RABGAP1L: variants seen among roughly 807,000 people sequenced by gnomAD.
RABGAP1L encodes the protein RAB GTPase activating protein 1 like, also known as rab GTPase-activating protein 1-like.
In RABGAP1L, 63 loss-of-function variants were observed where a neutral mutation model predicts 137.7. That is an observed-to-expected ratio of 0.46 (90% confidence interval 0.37 to 0.56). The LOEUF is 0.56. Ranked by LOEUF, RABGAP1L falls within the 20% of genes least tolerant of loss-of-function variation. The probability of loss-of-function intolerance (pLI) is 0.00; values close to 1 mark genes in which losing one functional copy is unlikely to be tolerated. For missense variants in RABGAP1L, 1,095 were observed against 1,244.0 expected (o/e 0.88, Z 1.80); for synonymous variants, 431 against 433.7 (o/e 0.99, Z 0.08).
intron 17 of RABGAP1L, among the ~76,000 whole-genome samples, chr1:174,708,585 C>T (rs1463227381): frequency 6.6e-6 from 1 of 152,166 alleles, no homozygotes; most frequent in African/African-American, 2.4e-5. Flanking sequence ...GTAAAGTACT[C>T]TGCCATGAGG....
rs1399655601 is a variant in RABGAP1L, at chr1:174,381,170, C to T, written c.1559+10098C>T. ...TCTGAGAGATAGTTTGTTATAATTT[C>T]TGTTCTTTTACATTTGCTGAGGAGA... On this transcript the variant is annotated intron_variant, in intron 12 of 25. Coordinates refer to ENST00000681986, the MANE Select transcript of RABGAP1L (RefSeq NM_001366446.1). Among the ~76,000 whole-genome samples, 13 of 140,406 alleles carry T rather than the reference C, an allele frequency of 9.3e-5. No individual in the cohort carries two copies. The South Asian group carries it at 9.8e-4, about 11-fold the overall frequency. 92.1% of individuals were successfully genotyped at this position (140,406 alleles called of 152,430 possible). A position where few individuals can be genotyped will look rare whatever the true frequency, so the allele number is the denominator to read the frequency against.
chr1:174,649,277 T>C (rs1675253903), intron 14 of RABGAP1L, among the ~76,000 whole-genome samples: 1 of 152,166 alleles, frequency 6.6e-6, no homozygotes, highest in Non-Finnish European at 1.5e-5. Context: ...CATTAGTTAA[T>C]GCAGCATTTT....
chr1:174,934,866 G>A (rs1664492269), intron 19 of RABGAP1L: 2 of 152,198 alleles, frequency 1.3e-5, no homozygotes, highest in African/African-American at 4.8e-5. Context: ...TATAGACATA[G>A]AGGCTTACAT....
intron 11 of RABGAP1L, among the ~76,000 whole-genome samples, chr1:174,317,244 A>C (rs1679466895): frequency 6.6e-6 from 1 of 151,866 alleles, no homozygotes; most frequent in Non-Finnish European, 1.5e-5. Flanking sequence ...ACAGCTAGTA[A>C]TGTGCTGAGT....
chr1:174,315,148 T>G lies in RABGAP1L; in HGVS notation c.1465+10021T>G, dbSNP rs570253609. On this transcript the variant is annotated intron_variant, in intron 11 of 25. Transcript: ENST00000681986. The stretch of plus-strand genomic sequence containing the variant: ...CTCTTTAGCTCTAATAATATTTGCT[T>G]TGTATATCTTGATGTTCCAGTGTTG... Among the ~76,000 whole-genome samples the G allele has an allele frequency of 2.0e-5, 3 of 152,294 alleles. No individual in the cohort carries two copies. The East Asian group carries it at 5.8e-4, about 29-fold the overall frequency.
At chr1:174,321,858 G>A (rs1680023291) in intron 11 of RABGAP1L, among the ~76,000 whole-genome samples, 1 of 151,990 alleles carries the variant, frequency 6.6e-6, no homozygotes. Context: ...ATGTTTTTGT[G>A]TATCTTTTCA....
At chr1:174,877,752 T>G in intron 19 of RABGAP1L, 1 of 792,932 alleles carries the variant, frequency 1.3e-6, no homozygotes. Context: ...AATTAAACAC[T>G]CATATAACAG....
At chr1:174,319,037 A>G (rs939315364) in intron 11 of RABGAP1L, among the ~76,000 whole-genome samples, 4 of 152,042 alleles carry the variant, frequency 2.6e-5, no homozygotes, top group African/African-American at 9.7e-5. Context: ...CATATTTTGT[A>G]TATTTTACAT....
chr1:174,253,831 A>G (rs376646364), intron 7 of RABGAP1L, among the ~76,000 whole-genome samples: 2 of 152,204 alleles, frequency 1.3e-5, no homozygotes, highest in South Asian at 2.1e-4. Flanking sequence ...ACAGATGCCT[A>G]TTTGGCTTCA....
intron 17 of RABGAP1L, among the ~76,000 whole-genome samples, chr1:174,736,638 T>C (rs1180865376): frequency 1.3e-5 from 2 of 152,168 alleles, no homozygotes; most frequent in African/African-American, 4.8e-5. Context: ...CTAGTAGAGG[T>C]TCTCTGTGCA....
At chr1:174,218,432 A>G (rs372259995) in intron 1 of RABGAP1L, among the ~76,000 whole-genome samples, 2 of 152,150 alleles carry the variant, frequency 1.3e-5, no homozygotes, top group Non-Finnish European at 2.9e-5. Context: ...ACTTCTGGAT[A>G]TGATAGTGAG....
intron 19 of RABGAP1L, among the ~76,000 whole-genome samples, chr1:174,884,669 G>A (rs553802490): frequency 1.3e-5 from 2 of 152,266 alleles, no homozygotes; most frequent in Admixed American, 6.5e-5. Flanking sequence ...ATTTTATCAC[G>A]TGGACAGCAA....
At chr1:174,324,241 TGAG>T (rs1680252820) in intron 11 of RABGAP1L, among the ~76,000 whole-genome samples, 1 of 152,080 alleles carries the variant, frequency 6.6e-6, no homozygotes. Flanking sequence ...ATGTAAGAAA[TGAG>T]GGGTGCAGAA....
chr1:174,550,983 C>CATATATATACACATAT (rs1553330240), intron 13 of RABGAP1L, among the ~76,000 whole-genome samples: 10 of 83,426 alleles, frequency 1.2e-4, no homozygotes, highest in South Asian at 3.3e-4. Flanking sequence ...TGTATATATA[C>CATATATATACACATAT]ATATATATAT....
intron 19 of RABGAP1L, among the ~76,000 whole-genome samples, chr1:174,896,786 T>C (rs1657271281): frequency 6.6e-6 from 1 of 152,158 alleles, no homozygotes; most frequent in Non-Finnish European, 1.5e-5. Context: ...TCTGTTCTGT[T>C]CCATTGGTCT....
chr1:174,923,741 T>C (rs972609832), intron 19 of RABGAP1L, among the ~76,000 whole-genome samples: 1 of 151,464 alleles, frequency 6.6e-6, no homozygotes, highest in African/African-American at 2.4e-5. Context: ...ATTAGCTGAG[T>C]GTGGTGGCAC....
rs11377354 is a variant in RABGAP1L, at chr1:174,859,850, TA to T, written c.2340+47899del. Reference sequence around the variant, plus strand: ...CACATGTACCCCTGAACTTAAAAGTTAAAAAAAAATTAGAAATAACAATTTT... The same window carrying T: ...CACATGTACCCCTGAACTTAAAAGTTAAAAAAAATTAGAAATAACAATTTT... On this transcript the variant is annotated intron_variant, in intron 19 of 25. Transcript: ENST00000681986. Among the ~76,000 whole-genome samples the T allele has an allele frequency of 1.5e-4, 22 of 150,326 alleles. No homozygotes were observed. In the East Asian group the frequency reaches 3.6e-3, roughly 24 times the overall value.
In RABGAP1L at chr1:174,461,711, C is replaced by T. The variant is rs151306609; in HGVS notation, c.1710+67566C>T. 6.2e-4 allele frequency among the ~76,000 whole-genome samples: 94 copies of T among 152,248 alleles called. No homozygotes were observed. In the East Asian group the frequency reaches 0.016, roughly 26 times the overall value. ...AAGATTACTTCAAGATTATTTTCCC[C>T]AGTGCCTTGCTGTTACCAACTGGGG... On this transcript the variant is annotated intron_variant, in intron 13 of 25. Coordinates refer to ENST00000681986, the MANE Select transcript of RABGAP1L (RefSeq NM_001366446.1).
chr1:174,160,218 T>A (rs1352406766), intron 1 of RABGAP1L, among the ~76,000 whole-genome samples: 1 of 152,156 alleles, frequency 6.6e-6, no homozygotes, highest in Non-Finnish European at 1.5e-5. Flanking sequence ...GATCCCTACC[T>A]GTAGGGAATG....
Sources: allele counts gnomAD v4.1 joint callset (sites outside exome capture counted in the v4.1 genomes callset), GRCh38; gene constraint gnomAD v4.1.1; transcripts MANE v1.5; gene names NCBI Gene and HGNC (gene_info 2026-07-23, HGNC 2026-07-21).